The following TAFA1 variants were observed in gnomAD, a reference collection of about 807,000 sequenced individuals.
TAFA1 encodes chemokine-like protein TAFA-1.
A neutral mutation model predicts 18.5 loss-of-function variants in TAFA1; 4 were observed. The ratio of observed to expected loss-of-function variants is 0.22; its 90% confidence interval spans 0.11 to 0.49. The LOEUF (loss-of-function observed/expected upper bound fraction) is 0.49, where lower values mean the gene tolerates loss of function less well. TAFA1 is among the 20% of genes least tolerant of loss of function. The pLI is 0.98. For synonymous variants in TAFA1, 56 were observed against 55.2 expected, an observed-to-expected ratio of 1.01 and a Z score of -0.06; for missense variants, 147 against 169.0, an observed-to-expected ratio of 0.87 and a Z score of 0.72.
chr3:68,001,651 T>A (rs1704285160), upstream of TAFA1, among the ~76,000 whole-genome samples: 1 of 151,470 alleles, frequency 6.6e-6, no homozygotes, highest in African/African-American at 2.4e-5. Flanking sequence ...TTTTAAGACA[T>A]AGTTGTGATT....
intron 2 of TAFA1, among the ~76,000 whole-genome samples, chr3:68,035,349 C>T (rs529908700): frequency 2.6e-5 from 4 of 152,132 alleles, no homozygotes; most frequent in Admixed American, 6.6e-5. Flanking sequence ...GTGTATATTC[C>T]CTCATACTTT....
chr3:68,288,843 A>G (rs1457419054), intron 2 of TAFA1, among the ~76,000 whole-genome samples: 2 of 152,198 alleles, frequency 1.3e-5, no homozygotes, highest in African/African-American at 4.8e-5. Context: ...ATGCTCTGCT[A>G]GTACTAGCCT....
chr3:68,024,311 T>C (rs1472198717), intron 2 of TAFA1, among the ~76,000 whole-genome samples: 1 of 152,128 alleles, frequency 6.6e-6, no homozygotes, highest in African/African-American at 2.4e-5. Flanking sequence ...AAAAAATTAA[T>C]GAAGCTTGGA....
chr3:68,105,135 C>T (rs540373100), intron 2 of TAFA1, among the ~76,000 whole-genome samples: 5 of 152,088 alleles, frequency 3.3e-5, no homozygotes, highest in Admixed American at 6.6e-5. Context: ...AGGATGAGAA[C>T]TCATTACTGT....
At chr3:68,446,919 T>C (rs1333103145) in intron 3 of TAFA1, among the ~76,000 whole-genome samples, 1 of 152,226 alleles carries the variant, frequency 6.6e-6, no homozygotes, top group Non-Finnish European at 1.5e-5. Context: ...CAGTGACTTC[T>C]TGGCTTTGAT....
chr3:68,435,688 AG>A (rs2071256051), intron 3 of TAFA1, among the ~76,000 whole-genome samples: 1 of 152,204 alleles, frequency 6.6e-6, no homozygotes, highest in African/African-American at 2.4e-5. Flanking sequence ...TGAAAGAAGT[AG>A]TATCTCCAAT....
At chr3:68,056,096 T>C (rs1376393942) in intron 2 of TAFA1, among the ~76,000 whole-genome samples, 1 of 152,156 alleles carries the variant, frequency 6.6e-6, no homozygotes, top group African/African-American at 2.4e-5. Context: ...GCTAGAGAAA[T>C]TGCATAAGCT....
intron 3 of TAFA1, among the ~76,000 whole-genome samples, chr3:68,434,581 T>C (rs1375416934): frequency 6.6e-6 from 1 of 152,120 alleles, no homozygotes; most frequent in East Asian, 1.9e-4. Context: ...AAATTTGTTC[T>C]ATCTATGACT....
At chr3:68,431,748 G>C (rs1486712802) in intron 3 of TAFA1, among the ~76,000 whole-genome samples, 6 of 151,966 alleles carry the variant, frequency 3.9e-5, no homozygotes, top group Admixed American at 1.3e-4. Context: ...CGTTGTAGCA[G>C]GATGAGTCGC....
intron 3 of TAFA1, among the ~76,000 whole-genome samples, chr3:68,532,185 G>A (rs1020276070): frequency 2.0e-5 from 3 of 152,116 alleles, no homozygotes; most frequent in Admixed American, 1.3e-4. Context: ...GATGACTGAA[G>A]ATTTTACAGC....
At chr3:68,303,696 G>A (rs1003024971) in intron 2 of TAFA1, among the ~76,000 whole-genome samples, 10 of 152,082 alleles carry the variant, frequency 6.6e-5, no homozygotes, top group South Asian at 2.1e-4. Flanking sequence ...TGATCCGCCC[G>A]CCTTTGCCTC....
At chr3:68,172,943 T>C (rs2066075412) in intron 2 of TAFA1, among the ~76,000 whole-genome samples, 1 of 152,112 alleles carries the variant, frequency 6.6e-6, no homozygotes, top group Non-Finnish European at 1.5e-5. Flanking sequence ...TAAAATTACA[T>C]ATTAGAGATG....
chr3:68,199,206 T>C (rs2066446013), intron 2 of TAFA1, among the ~76,000 whole-genome samples: 1 of 151,570 alleles, frequency 6.6e-6, no homozygotes, highest in South Asian at 2.1e-4. Context: ...CTGTTCTGTG[T>C]CAATGATTTA....
intron 2 of TAFA1, among the ~76,000 whole-genome samples, chr3:68,393,595 A>G (rs1347045596): frequency 2.0e-5 from 3 of 152,216 alleles, no homozygotes; most frequent in African/African-American, 4.8e-5. Flanking sequence ...CCTGTTGAAC[A>G]TCAATGCAAA....
intron 2 of TAFA1, among the ~76,000 whole-genome samples, chr3:68,288,229 G>T (rs1559600846): frequency 6.6e-6 from 1 of 152,070 alleles, no homozygotes; most frequent in Non-Finnish European, 1.5e-5. Flanking sequence ...TGCTCACTCC[G>T]CAGTGCAAAA....
At chr3:68,267,531 T>G (rs957443720) in intron 2 of TAFA1, among the ~76,000 whole-genome samples, 4 of 152,160 alleles carry the variant, frequency 2.6e-5, no homozygotes, top group African/African-American at 9.7e-5. Flanking sequence ...TAGATGGAAG[T>G]GCTTTTGATT....
chr3:68,057,799 G>A (rs1168236095), intron 2 of TAFA1, among the ~76,000 whole-genome samples: 1 of 152,178 alleles, frequency 6.6e-6, no homozygotes, highest in African/African-American at 2.4e-5. Context: ...AGAAGCAGTG[G>A]GTGGAGTGGC....
intron 3 of TAFA1, among the ~76,000 whole-genome samples, chr3:68,444,639 G>T (rs72917074): frequency 6.6e-6 from 1 of 151,974 alleles, no homozygotes; most frequent in African/African-American, 2.4e-5. Flanking sequence ...TTTAAATACA[G>T]TGGCTCTCAG....
intron 2 of TAFA1, among the ~76,000 whole-genome samples, chr3:68,307,974 G>T (rs2068450212): frequency 6.6e-6 from 1 of 151,998 alleles, no homozygotes; most frequent in Non-Finnish European, 1.5e-5. Context: ...ATATTTTTAA[G>T]ACAAAAATGC....
Sources: gnomAD v4.1 joint callset for allele counts (sites outside exome capture counted in the v4.1 genomes callset) on GRCh38, gnomAD v4.1.1 for gene constraint, MANE v1.5 for transcripts, NCBI Gene and HGNC (gene_info 2026-07-23, HGNC 2026-07-21) for gene names.